PPP6R3: variants seen among roughly 807,000 people sequenced by gnomAD.
PPP6R3 encodes the protein protein phosphatase 6 regulatory subunit 3, also known as serine/threonine-protein phosphatase 6 regulatory subunit 3.
A neutral mutation model predicts 110.7 loss-of-function variants in PPP6R3; 38 were observed. The observed-to-expected ratio is 0.34, with a 90% confidence interval of 0.26 to 0.45. The LOEUF (loss-of-function observed/expected upper bound fraction) is 0.45, where lower values mean the gene tolerates loss of function less well. Ranked by LOEUF, PPP6R3 falls within the 20% of genes least tolerant of loss-of-function variation. The pLI is 1.00. For missense variants in PPP6R3, 870 were observed against 1,062.4 expected (o/e 0.82, Z 2.52); for synonymous variants, 369 against 373.5 (o/e 0.99, Z 0.14).
chr11:68,482,856 A>C (rs2098924268), intron 1 of PPP6R3, among the ~76,000 whole-genome samples: 1 of 152,038 alleles, frequency 6.6e-6, no homozygotes, highest in African/African-American at 2.4e-5. Flanking sequence ...TTATATAAAT[A>C]TAATAGCACC....
intron 3 of PPP6R3, among the ~76,000 whole-genome samples, chr11:68,542,398 T>TTTTTTTTTTTTTTTG (rs2099323637): frequency 8.9e-6 from 1 of 111,746 alleles, no homozygotes; most frequent in African/African-American, 3.5e-5. Context: ...TGTTTTTTTT[T>TTTTTTTTTTTTTTTG]TTTTTTTTTT....
intron 1 of PPP6R3, among the ~76,000 whole-genome samples, chr11:68,466,644 A>T (rs1189921829): frequency 1.2e-4 from 16 of 135,700 alleles, no homozygotes; most frequent in African/African-American, 4.2e-4. Context: ...ACGGAGTCTC[A>T]CACTGTCGCC....
At chr11:68,568,075 G>GTGC (rs2099486060) in intron 10 of PPP6R3, among the ~76,000 whole-genome samples, 1 of 151,888 alleles carries the variant, frequency 6.6e-6, no homozygotes, top group Non-Finnish European at 1.5e-5. Flanking sequence ...CCACATCATT[G>GTGC]TGCTTCCTAG....
chr11:68,488,091 C>T (rs541395245), intron 1 of PPP6R3, among the ~76,000 whole-genome samples: 1 of 152,332 alleles, frequency 6.6e-6, no homozygotes, highest in South Asian at 2.1e-4. Flanking sequence ...TGGAATATTT[C>T]TTCCTTTATC....
chr11:68,462,089 A>G (rs1342236486), intron 1 of PPP6R3, among the ~76,000 whole-genome samples: 1 of 152,164 alleles, frequency 6.6e-6, no homozygotes, highest in Non-Finnish European at 1.5e-5. Flanking sequence ...GTTTGTCAGG[A>G]TAATTGCCCT....
intron 1 of PPP6R3, among the ~76,000 whole-genome samples, chr11:68,474,380 A>G (rs1327840085): frequency 6.6e-6 from 1 of 152,106 alleles, no homozygotes; most frequent in Non-Finnish European, 1.5e-5. Context: ...GGCTATTTGT[A>G]TATCTTATTT....
In PPP6R3 at chr11:68,554,128, G is replaced by T. The variant is rs571756317; in HGVS notation, c.619-17G>T. The T allele has an allele frequency of 7.1e-6, 11 of 1,554,976 alleles. No homozygotes were observed. In the South Asian group the frequency reaches 9.3e-5, roughly 13 times the overall value. On this transcript the variant is annotated splice_polypyrimidine_tract_variant and intron_variant, in intron 6 of 23. Coordinates refer to ENST00000393800, the MANE Select transcript of PPP6R3 (RefSeq NM_001164161.2). The stretch of plus-strand genomic sequence containing the variant: ...TCTAACATGTTTTATGGTTAAAATT[G>T]TACTTTTTTCCTTTAGCGACATTCA...
At position 68,615,073 on chromosome 11, in the gene PPP6R3, GGA is replaced by G. The variant is rs1945007471; in HGVS notation, c.*1962_*1963del. ...TCTTGCTTCATCCCACTGACTGCTG[GGA>G]GAGAGCCTCTGGGACTTTTCTTTGG... On this transcript the variant is annotated 3_prime_UTR_variant, in exon 24 of 24. Transcript: ENST00000393800. 2.1e-6 allele frequency: 1 copy of G among 474,854 alleles called. No individual in the cohort carries two copies. The highest frequency in any genetic ancestry group is 2.3e-5 in the Admixed American group (1 of 43,104). The allele number at this position is 474,854 out of a possible 1,614,324, so 29.4% of individuals were successfully genotyped here.
Position 68,587,991 on chromosome 11 carries a change from A to G in PPP6R3, c.1697A>G (p.Asp566Gly). The G allele has an allele frequency of 1.2e-6, 2 of 1,614,220 alleles. No individual in the cohort carries two copies. The highest frequency in any genetic ancestry group is 1.7e-6 in the Non-Finnish European group (2 of 1,180,028). The change falls in exon 16 of 24, where the codon GAT becomes GGT. Residue 566 changes from aspartate to glycine, a missense_variant. By Grantham distance (94) the Asp-to-Gly change is moderately conservative. Coordinates refer to ENST00000393800, the MANE Select transcript of PPP6R3 (RefSeq NM_001164161.2). ...SNFIDQFGFNDEKFADQDDIG... is the reference protein window; with the variant it reads ...SNFIDQFGFNGEKFADQDDIG... ...TTTATTGACCAGTTTGGCTTCAACG[A>G]TGAGAAGTTTGCAGATCAAGATGAC... is the stretch of plus-strand genomic sequence containing the variant.
At chr11:68,609,606 T>G in intron 22 of PPP6R3, 29 of 1,552,034 alleles carry the variant, frequency 1.9e-5, no homozygotes, top group Non-Finnish European at 2.5e-5. Flanking sequence ...CACACTGGGC[T>G]TCAGAGTGTT....
intron 1 of PPP6R3, among the ~76,000 whole-genome samples, chr11:68,516,470 A>G (rs2099137433): frequency 6.6e-6 from 1 of 152,244 alleles, no homozygotes; most frequent in Non-Finnish European, 1.5e-5. Flanking sequence ...ATCCCAAGAT[A>G]TCTCATTATG....
chr11:68,481,777 C>T (rs1460244969), intron 1 of PPP6R3, among the ~76,000 whole-genome samples: 1 of 152,216 alleles, frequency 6.6e-6, no homozygotes, highest in African/African-American at 2.4e-5. Context: ...CCTCCACTTG[C>T]AGGAGGCAGG....
At chr11:68,543,784 G>A (rs1023799039) in intron 3 of PPP6R3, among the ~76,000 whole-genome samples, 8 of 152,328 alleles carry the variant, frequency 5.3e-5, no homozygotes, top group Admixed American at 5.2e-4. Context: ...GTCAGCTAGA[G>A]TATCGTCTGG....
At chr11:68,600,521 C>T (rs994424531) in intron 20 of PPP6R3, 27 bp downstream of exon 20, 116 of 1,593,114 alleles carry the variant, frequency 7.3e-5, no homozygotes, top group Non-Finnish European at 9.7e-5. Flanking sequence ...TGTCTCTACA[C>T]CCTTCCACGG....
At chr11:68,557,152 C>G (rs547449814) in intron 7 of PPP6R3, among the ~76,000 whole-genome samples, 10 of 152,302 alleles carry the variant, frequency 6.6e-5, no homozygotes, top group Admixed American at 6.5e-4. Context: ...AGTTTGTTTT[C>G]CAGAGCTTGG....
chr11:68,590,638 CTT>C lies in PPP6R3; in HGVS notation c.1731-19_1731-18del, dbSNP rs767953785. Reference sequence around the variant, plus strand: ...CTGATAGTAATTAATGCTTCCTACACTTTTATTTTGTTTTTTTACAGTGTTTC... The same window carrying C: ...CTGATAGTAATTAATGCTTCCTACACTTATTTTGTTTTTTTACAGTGTTTC... On this transcript the variant is annotated intron_variant, in intron 16 of 23. Coordinates refer to ENST00000393800, the MANE Select transcript of PPP6R3 (RefSeq NM_001164161.2). 7 of 1,564,652 alleles carry C rather than the reference CTT, an allele frequency of 4.5e-6. No individual in the cohort carries two copies. The highest frequency in any genetic ancestry group is 6.1e-6 in the Non-Finnish European group (7 of 1,147,330).
At chr11:68,532,283 A>G (rs2099245261) in intron 2 of PPP6R3, among the ~76,000 whole-genome samples, 2 of 152,330 alleles carry the variant, frequency 1.3e-5, no homozygotes, top group East Asian at 3.9e-4. Context: ...CTTTGATCCT[A>G]TTTTGTGTAT....
chr11:68,587,738 A>C (rs911116237), intron 15 of PPP6R3, 189 bp from the exon 16 acceptor site: 1 of 670,724 alleles, frequency 1.5e-6, no homozygotes, highest in South Asian at 1.6e-5. Flanking sequence ...TTGTAGACCA[A>C]ATTTCAAACG....
chr11:68,577,301 G>GT (rs541484303), intron 14 of PPP6R3, among the ~76,000 whole-genome samples: 289 of 151,946 alleles, frequency 1.9e-3, no homozygotes, highest in Non-Finnish European at 3.4e-3. Flanking sequence ...GATAATCAGG[G>GT]TTTTTTTTGT....
Sources: gnomAD v4.1 joint callset for allele counts (sites outside exome capture counted in the v4.1 genomes callset) on GRCh38, gnomAD v4.1.1 for gene constraint, MANE v1.5 for transcripts, NCBI Gene and HGNC (gene_info 2026-07-23, HGNC 2026-07-21) for gene names.